The following PEX14 variants were observed in gnomAD, a reference collection of about 807,000 sequenced individuals.
PEX14 encodes peroxisomal biogenesis factor 14.
A neutral mutation model predicts 49.5 loss-of-function variants in PEX14; 15 were observed. The observed-to-expected ratio is 0.30, with a 90% CI of 0.20 to 0.47. The LOEUF (loss-of-function observed/expected upper bound fraction) is 0.47, where lower values mean the gene tolerates loss of function less well. PEX14 is among the 20% of genes least tolerant of loss of function. The pLI is 1.00. For synonymous variants in PEX14, 210 were observed against 212.7 expected (o/e 0.99, Z 0.11); for missense variants, 398 against 494.8 (o/e 0.80, Z 1.86).
chr1:10,505,022 G>A (rs936534972), intron 2 of PEX14, among the ~76,000 whole-genome samples: 4 of 152,014 alleles, frequency 2.6e-5, no homozygotes, highest in African/African-American at 9.7e-5. Flanking sequence ...CTGACCTCAA[G>A]TGATTTGCCC....
intron 2 of PEX14, among the ~76,000 whole-genome samples, chr1:10,508,765 T>C (rs1641833376): frequency 6.6e-6 from 1 of 152,202 alleles, no homozygotes; most frequent in Non-Finnish European, 1.5e-5. Flanking sequence ...TAGGATTAGC[T>C]AAGAATTCTC....
At chr1:10,573,697 A>T (rs1640045740) in intron 3 of PEX14, among the ~76,000 whole-genome samples, 2 of 152,244 alleles carry the variant, frequency 1.3e-5, no homozygotes, top group South Asian at 4.1e-4. Flanking sequence ...CAAGTTAAGT[A>T]CATGCTTGTT....
At chr1:10,493,730 A>G (rs942743251) in intron 1 of PEX14, among the ~76,000 whole-genome samples, 1 of 152,196 alleles carries the variant, frequency 6.6e-6, no homozygotes. Flanking sequence ...ATATTGAGGA[A>G]GGAGTATGGC....
intron 2 of PEX14, among the ~76,000 whole-genome samples, chr1:10,520,157 TTTTTTG>T (rs1236451101): frequency 1.0e-4 from 10 of 96,234 alleles, no homozygotes; most frequent in Admixed American, 3.3e-4. Context: ...TCTTTTTTTT[TTTTTTG>T]TTTTTTTAAC....
intron 4 of PEX14, among the ~76,000 whole-genome samples, chr1:10,607,914 A>G (rs2124616604): frequency 6.6e-6 from 1 of 152,156 alleles, no homozygotes; most frequent in South Asian, 2.1e-4. Flanking sequence ...TTTATGATTC[A>G]TGGTTTTGCA....
chr1:10,560,202 C>T (rs1226136193), intron 3 of PEX14, among the ~76,000 whole-genome samples: 3 of 151,882 alleles, frequency 2.0e-5, no homozygotes, highest in South Asian at 2.1e-4. Flanking sequence ...GGATTACAGG[C>T]GCCCGCCACC....
chr1:10,509,730 AT>A (rs1165530620), intron 2 of PEX14, among the ~76,000 whole-genome samples: 3 of 151,934 alleles, frequency 2.0e-5, no homozygotes, highest in African/African-American at 7.3e-5. Context: ...GTATTTAATC[AT>A]TTTTTTCTTA....
At chr1:10,615,631 C>G (rs1207489732) in intron 4 of PEX14, among the ~76,000 whole-genome samples, 1 of 152,248 alleles carries the variant, frequency 6.6e-6, no homozygotes, top group Non-Finnish European at 1.5e-5. Flanking sequence ...TGGGACCACC[C>G]TCTGGGGGTT....
intron 1 of PEX14, among the ~76,000 whole-genome samples, chr1:10,480,734 G>A (rs1641268412): frequency 6.6e-6 from 1 of 152,022 alleles, no homozygotes; most frequent in African/African-American, 2.4e-5. Flanking sequence ...GTATAGAAAA[G>A]TTGAAAGGAT....
intron 2 of PEX14, among the ~76,000 whole-genome samples, chr1:10,521,716 T>C (rs926876093): frequency 1.3e-5 from 2 of 152,178 alleles, no homozygotes; most frequent in East Asian, 1.9e-4. Flanking sequence ...TTGACTTTTT[T>C]CCCCCCTAAG....
chr1:10,608,219 G>A (rs1641177533), intron 4 of PEX14, among the ~76,000 whole-genome samples: 2 of 152,162 alleles, frequency 1.3e-5, no homozygotes. Context: ...TAGTTTTTAT[G>A]TTTAGGTCTG....
At chr1:10,481,526 T>C (rs1026323215) in intron 1 of PEX14, among the ~76,000 whole-genome samples, 1 of 151,988 alleles carries the variant, frequency 6.6e-6, no homozygotes, top group Non-Finnish European at 1.5e-5. Context: ...ACTGTAGCCT[T>C]GACCTCCTGG....
chr1:10,567,976 A>T (rs769157830), intron 3 of PEX14, among the ~76,000 whole-genome samples: 7 of 152,144 alleles, frequency 4.6e-5, no homozygotes, highest in Non-Finnish European at 1.0e-4. Flanking sequence ...TTCTTTCATT[A>T]TGTCTTTCAG....
chr1:10,598,973 G>A (rs1013955390), intron 3 of PEX14, among the ~76,000 whole-genome samples: 1 of 151,922 alleles, frequency 6.6e-6, no homozygotes, highest in South Asian at 2.1e-4. Flanking sequence ...GCAGTACCGA[G>A]CGACTTCAAA....
intron 1 of PEX14, among the ~76,000 whole-genome samples, chr1:10,477,957 C>T (rs949257066): frequency 6.6e-6 from 1 of 152,108 alleles, no homozygotes; most frequent in Admixed American, 6.5e-5. Context: ...GGCGCGATCT[C>T]GGCTTACTGC....
intron 3 of PEX14, among the ~76,000 whole-genome samples, chr1:10,598,878 T>A (rs750691905): frequency 4.1e-4 from 47 of 114,940 alleles, no homozygotes; most frequent in Admixed American, 2.5e-3. Flanking sequence ...TTTTTTCCCC[T>A]CTTTTTTTTT....
Position 10,536,254 on chromosome 1 carries a change from C to T in PEX14, c.126C>T (p.Arg42=). The change falls in exon 3 of 9, where the codon CGC becomes CGT. Residue 42 remains arginine (R), a synonymous_variant. Coordinates refer to ENST00000356607, the MANE Select transcript of PEX14 (RefSeq NM_004565.3). ...AGTTTCTACAGAATTCCCGGGTCCG[C>T]CAGAGCCCACTTGCAACCAGGAGAG... ...AVKFLQNSRV[R]QSPLATRRAF... The T allele has an allele frequency of 6.2e-7, 1 of 1,612,488 alleles. No individual in the cohort carries two copies. The highest frequency in any genetic ancestry group is 8.5e-7 in the Non-Finnish European group (1 of 1,178,584).
At chr1:10,535,808 C>T (rs1016916781) in intron 2 of PEX14, 17 of 341,812 alleles carry the variant, frequency 5.0e-5, no homozygotes, top group Middle Eastern at 1.0e-3. Context: ...TGTACGTGCG[C>T]GTGGGGTAAC....
intron 2 of PEX14, among the ~76,000 whole-genome samples, chr1:10,532,822 T>A (rs1638688263): frequency 6.6e-6 from 1 of 152,226 alleles, no homozygotes; most frequent in Non-Finnish European, 1.5e-5. Context: ...GTGTTGTGTG[T>A]GTTGGGCCTC....
Sources: allele counts gnomAD v4.1 joint callset (sites outside exome capture counted in the v4.1 genomes callset), GRCh38; gene constraint gnomAD v4.1.1; transcripts MANE v1.5; gene names NCBI Gene and HGNC (gene_info 2026-07-23, HGNC 2026-07-21).